STOX1: variants seen among roughly 807,000 people sequenced by gnomAD.
STOX1 encodes storkhead box 1.
STOX1 carries 57 observed loss-of-function variants against 74.8 expected under a neutral mutation model. The ratio of observed to expected loss-of-function variants is 0.76; its 90% CI spans 0.62 to 0.95. The LOEUF is 0.95. Among genes scored for constraint, STOX1 ranks in the 40% least tolerant of loss-of-function variants. The pLI, the probability that STOX1 is intolerant of heterozygous loss-of-function variation, is 0.00. For synonymous variants in STOX1, 375 were observed against 401.3 expected (o/e 0.93, Z 0.78); for missense variants, 1,010 against 1,117.0 (o/e 0.90, Z 1.37).
chr10:68,829,352 C>T (rs1301466489), intron 1 of STOX1, among the ~76,000 whole-genome samples: 2 of 152,092 alleles, frequency 1.3e-5, no homozygotes, highest in South Asian at 2.1e-4. Flanking sequence ...CCCGCTTCTA[C>T]TAAAAATACA....
intron 1 of STOX1, among the ~76,000 whole-genome samples, chr10:68,860,970 A>G (rs1840253668): frequency 6.6e-6 from 1 of 152,196 alleles, no homozygotes; most frequent in Admixed American, 6.5e-5. Flanking sequence ...GCTCTTTGGG[A>G]GCCCAAGGTG....
chr10:68,832,673 AAAAAG>A (rs1253450651), intron 1 of STOX1, among the ~76,000 whole-genome samples: 65 of 98,024 alleles, frequency 6.6e-4, no homozygotes, highest in Non-Finnish European at 1.4e-3. Context: ...AAAAAAAAAA[AAAAAG>A]AAAGCACCAA....
chr10:68,870,804 C>T (rs1004321998), intron 1 of STOX1, among the ~76,000 whole-genome samples: 3 of 152,150 alleles, frequency 2.0e-5, no homozygotes, highest in African/African-American at 7.2e-5. Flanking sequence ...TAGTGACTGC[C>T]GTCCTCAGTC....
At chr10:68,863,696 G>A (rs568520382) in intron 1 of STOX1, among the ~76,000 whole-genome samples, 1 of 152,076 alleles carries the variant, frequency 6.6e-6, no homozygotes, top group Non-Finnish European at 1.5e-5. Flanking sequence ...CTAGCTGTTT[G>A]CAATTGGGTA....
At chr10:68,873,807 T>G (rs1299257033) in intron 1 of STOX1, among the ~76,000 whole-genome samples, 1 of 150,658 alleles carries the variant, frequency 6.6e-6, no homozygotes, top group Admixed American at 6.6e-5. Context: ...CCCGCCACCA[T>G]GCCCAGCTAA....
At chr10:68,836,118 C>T (rs1443222696) in intron 1 of STOX1, among the ~76,000 whole-genome samples, 1 of 152,224 alleles carries the variant, frequency 6.6e-6, no homozygotes, top group African/African-American at 2.4e-5. Flanking sequence ...GATCCACCTG[C>T]CTCGGCCTCC....
chr10:68,847,386 TG>T (rs1839879183), intron 1 of STOX1, among the ~76,000 whole-genome samples: 1 of 149,914 alleles, frequency 6.7e-6, no homozygotes, highest in African/African-American at 2.5e-5. Flanking sequence ...CGGGTGGATT[TG>T]GGGATTGGAA....
At chr10:68,839,904 C>CCACA (rs951293017) in intron 1 of STOX1, among the ~76,000 whole-genome samples, 1 of 151,706 alleles carries the variant, frequency 6.6e-6, no homozygotes, top group Non-Finnish European at 1.5e-5. Context: ...AAAACAAAAA[C>CCACA]CACACACACA....
intron 1 of STOX1, among the ~76,000 whole-genome samples, chr10:68,864,132 G>A (rs1464401298): frequency 6.6e-6 from 1 of 151,880 alleles, no homozygotes; most frequent in African/African-American, 2.4e-5. Flanking sequence ...CACCTTGTTA[G>A]CCAGGATGAT....
At chr10:68,868,060 C>T (rs778693631) in intron 1 of STOX1, among the ~76,000 whole-genome samples, 32 of 152,348 alleles carry the variant, frequency 2.1e-4, no homozygotes, top group South Asian at 6.2e-4. Context: ...TGTAGTTCCA[C>T]GTTCTCCAAC....
chr10:68,840,169 T>G (rs1206933730), intron 1 of STOX1, among the ~76,000 whole-genome samples: 1 of 152,102 alleles, frequency 6.6e-6, no homozygotes, highest in Non-Finnish European at 1.5e-5. Flanking sequence ...TCTTATACCA[T>G]CCACAACAGC....
chr10:68,831,929 C>CT (rs75873763), intron 1 of STOX1, among the ~76,000 whole-genome samples: 91,167 of 143,384 alleles, frequency 0.64, 29,086 homozygotes, highest in Non-Finnish European at 0.7. Context: ...CTTTTCTTTT[C>CT]TTTTTTTTTT....
intron 1 of STOX1, among the ~76,000 whole-genome samples, chr10:68,852,144 A>T (rs1256513791): frequency 6.6e-6 from 1 of 151,864 alleles, no homozygotes; most frequent in African/African-American, 2.4e-5. Flanking sequence ...AAAAATAAAT[A>T]AATATGTTAT....
chr10:68,867,779 A>T (rs931111453), intron 1 of STOX1, among the ~76,000 whole-genome samples: 1 of 152,204 alleles, frequency 6.6e-6, no homozygotes. Context: ...CTATCCTTAT[A>T]TGCCTTTTTG....
chr10:68,849,607 G>T (rs1589221618), intron 1 of STOX1, among the ~76,000 whole-genome samples: 1 of 152,200 alleles, frequency 6.6e-6, no homozygotes, highest in Non-Finnish European at 1.5e-5. Context: ...AGGACCCAGG[G>T]AGCTCAGGGC....
chr10:68,886,219 C>T lies in STOX1; in HGVS notation c.2423C>T (p.Thr808Ile). 1 of 1,614,134 alleles carries T rather than the reference C, an allele frequency of 6.2e-7. No individual in the cohort carries two copies. Among genetic ancestry groups the T allele is most frequent in the South Asian group, 1.1e-5 (1 of 91,080 alleles). ...TACAAACCCACTGGGCTGCATGCTA[C>T]CCCAGGTGAAAGCCAAGAACCTAAC... Reference protein sequence around the residue: ...ECYKPTGLHATPGESQEPNLS... With the variant: ...ECYKPTGLHAIPGESQEPNLS... The change falls in exon 3 of 4, where the codon ACC becomes ATC. Residue 808 changes from threonine to isoleucine, a missense_variant. Physicochemically the swap from Thr to Ile is moderately conservative, Grantham distance 89 (BLOSUM62 -1). Coordinates refer to ENST00000298596, the MANE Select transcript of STOX1 (RefSeq NM_152709.5).
Position 68,882,041 on chromosome 10 carries a change from G to T in STOX1, c.394G>T (p.Asp132Tyr), listed in dbSNP as rs776848468. Residue 132 changes from aspartate (D) to tyrosine (Y), a missense_variant, in exon 2 of 4, where the codon GAT becomes TAT. Physicochemically the swap from Asp to Tyr is radical, Grantham distance 160 (BLOSUM62 -3). Transcript: ENST00000298596. ...LGEVLCCAIS[D>Y]MNTAQIVVTQ... ...TGAAGTTCTTTGCTGTGCTATATCTGATATGAATACAGCTCAGATTGTAGT... is the reference window on the plus strand; with the variant it reads ...TGAAGTTCTTTGCTGTGCTATATCTTATATGAATACAGCTCAGATTGTAGT... The T allele has an allele frequency of 6.2e-7, 1 of 1,613,622 alleles. No individual in the cohort carries two copies. Among genetic ancestry groups the T allele is most frequent in the African/African-American group, 1.3e-5 (1 of 74,868 alleles).
intron 1 of STOX1, among the ~76,000 whole-genome samples, chr10:68,835,789 T>TGA: frequency 6.6e-6 from 1 of 152,336 alleles, no homozygotes; most frequent in Non-Finnish European, 1.5e-5. Flanking sequence ...GCAGCAAAAG[T>TGA]GAGACTTGAG....
chr10:68,872,608 A>G (rs572246244), intron 1 of STOX1, among the ~76,000 whole-genome samples: 7 of 152,162 alleles, frequency 4.6e-5, no homozygotes, highest in African/African-American at 1.4e-4. Context: ...TGGCCTCCCA[A>G]AGTGTTGGGA....
Sources: gnomAD v4.1 joint callset for allele counts (sites outside exome capture counted in the v4.1 genomes callset) on GRCh38, gnomAD v4.1.1 for gene constraint, MANE v1.5 for transcripts, NCBI Gene and HGNC (gene_info 2026-07-23, HGNC 2026-07-21) for gene names.